NKAIN2: variants seen among roughly 807,000 people sequenced by gnomAD.
NKAIN2 encodes sodium/potassium transporting ATPase interacting 2, also known as sodium/potassium-transporting ATPase subunit beta-1-interacting protein 2.
A neutral mutation model predicts 32.6 loss-of-function variants in NKAIN2; 14 were observed. The observed-to-expected ratio is 0.43, with a 90% CI of 0.28 to 0.67. The LOEUF (loss-of-function observed/expected upper bound fraction) is 0.67, where lower values mean the gene tolerates loss of function less well. Ranked by LOEUF, NKAIN2 falls within the 30% of genes least tolerant of loss-of-function variation. NKAIN2 has a pLI of 0.17. For synonymous variants in NKAIN2, 80 were observed against 87.2 expected, an observed-to-expected ratio of 0.92 and a Z score of 0.46; for missense variants, 198 against 258.3, an observed-to-expected ratio of 0.77 and a Z score of 1.60.
intron 1 of NKAIN2, among the ~76,000 whole-genome samples, chr6:123,835,358 A>G (rs937980813): frequency 2.6e-5 from 4 of 152,224 alleles, no homozygotes; most frequent in Non-Finnish European, 5.9e-5. Context: ...TGGCTATCAA[A>G]GTATTCTGTA....
intron 1 of NKAIN2, among the ~76,000 whole-genome samples, chr6:123,882,370 T>C (rs1170460510): frequency 6.6e-6 from 1 of 152,162 alleles, no homozygotes; most frequent in Admixed American, 6.5e-5. Flanking sequence ...TTATCACTAA[T>C]GTCCTTTCAA....
intron 1 of NKAIN2, among the ~76,000 whole-genome samples, chr6:124,110,532 T>C (rs1367672838): frequency 1.3e-5 from 2 of 152,076 alleles, no homozygotes; most frequent in African/African-American, 4.8e-5. Context: ...AGGTAGTTTT[T>C]CACCCCACAT....
chr6:123,961,996 A>C (rs1777871755), intron 1 of NKAIN2, among the ~76,000 whole-genome samples: 1 of 152,212 alleles, frequency 6.6e-6, no homozygotes, highest in South Asian at 2.1e-4. Flanking sequence ...TTGCTTCATC[A>C]AATAGTTTAG....
At chr6:123,896,655 A>G (rs1169812793) in intron 1 of NKAIN2, among the ~76,000 whole-genome samples, 3 of 152,120 alleles carry the variant, frequency 2.0e-5, no homozygotes, top group Non-Finnish European at 4.4e-5. Context: ...TGTGGCTTTA[A>G]TGTGTTTTTG....
At chr6:124,413,243 A>G (rs1774297940) in intron 3 of NKAIN2, among the ~76,000 whole-genome samples, 1 of 152,086 alleles carries the variant, frequency 6.6e-6, no homozygotes, top group Admixed American at 6.5e-5. Flanking sequence ...GAAATGCAGA[A>G]ATCACCTGTC....
chr6:124,810,882 C>G (rs989421826), intron 5 of NKAIN2, among the ~76,000 whole-genome samples: 1 of 147,864 alleles, frequency 6.8e-6, no homozygotes, highest in Non-Finnish European at 1.5e-5. Context: ...GGCTAAAGTA[C>G]GTCTTCCTAT....
At chr6:123,978,684 T>G (rs983833958) in intron 1 of NKAIN2, among the ~76,000 whole-genome samples, 5 of 152,192 alleles carry the variant, frequency 3.3e-5, no homozygotes, top group African/African-American at 2.4e-5. Context: ...CACAATTGTG[T>G]GTGTGTGTGT....
chr6:124,746,727 T>C (rs2114701265), intron 4 of NKAIN2, among the ~76,000 whole-genome samples: 1 of 152,008 alleles, frequency 6.6e-6, no homozygotes, highest in East Asian at 1.9e-4. Context: ...AGTACTTCCA[T>C]GATCACACAA....
At chr6:123,903,349 A>C (rs1484280124) in intron 1 of NKAIN2, among the ~76,000 whole-genome samples, 1 of 152,176 alleles carries the variant, frequency 6.6e-6, no homozygotes, top group African/African-American at 2.4e-5. Context: ...AATTCCTACC[A>C]AAATAAGAGG....
At chr6:124,401,407 T>C (rs1773620729) in intron 3 of NKAIN2, among the ~76,000 whole-genome samples, 2 of 152,154 alleles carry the variant, frequency 1.3e-5, no homozygotes, top group South Asian at 4.1e-4. Context: ...AAAAGTAAGA[T>C]TGTTTTGGAA....
At chr6:124,659,659 A>G (rs2114432130) in intron 4 of NKAIN2, among the ~76,000 whole-genome samples, 1 of 152,264 alleles carries the variant, frequency 6.6e-6, no homozygotes, top group Admixed American at 6.5e-5. Flanking sequence ...AGGCTAGTTG[A>G]GTAGCCAGTA....
intron 1 of NKAIN2, among the ~76,000 whole-genome samples, chr6:124,047,710 G>C (rs541581490): frequency 2.6e-5 from 4 of 152,094 alleles, no homozygotes; most frequent in Admixed American, 6.6e-5. Flanking sequence ...TTAAGCAGAG[G>C]GCAGGAGCAG....
intron 1 of NKAIN2, among the ~76,000 whole-genome samples, chr6:124,130,610 T>G: frequency 1.1e-5 from 1 of 94,750 alleles, no homozygotes; most frequent in Admixed American, 1.1e-4. Context: ...ATGTTTGCCC[T>G]TATTTTTTTT....
chr6:124,370,251 C>T (rs1799697604), intron 3 of NKAIN2, among the ~76,000 whole-genome samples: 1 of 151,340 alleles, frequency 6.6e-6, no homozygotes, highest in Non-Finnish European at 1.5e-5. Context: ...TTGAGATTTG[C>T]ATGAAGAAAT....
chr6:124,642,477 T>G (rs1217755753), intron 3 of NKAIN2, among the ~76,000 whole-genome samples: 1 of 152,168 alleles, frequency 6.6e-6, no homozygotes, highest in Non-Finnish European at 1.5e-5. Flanking sequence ...TAAAGAATTT[T>G]TCAGGGTTTT....
At chr6:124,379,164 G>A (rs1309116864) in intron 3 of NKAIN2, among the ~76,000 whole-genome samples, 2 of 17,874 alleles carry the variant, frequency 1.1e-4, no homozygotes, top group African/African-American at 4.1e-4. Context: ...GGAGGGGAGG[G>A]GAGGGAGGGA....
chr6:124,251,332 A>T (rs948015615), intron 1 of NKAIN2, among the ~76,000 whole-genome samples: 1 of 152,166 alleles, frequency 6.6e-6, no homozygotes, highest in East Asian at 1.9e-4. Context: ...TATCCAAAAG[A>T]AAGGTAACAT....
chr6:124,382,409 A>C (rs1324833928), intron 3 of NKAIN2, among the ~76,000 whole-genome samples: 1 of 152,000 alleles, frequency 6.6e-6, no homozygotes. Context: ...GCGAGCTAAA[A>C]CTCTGATGGG....
At chr6:124,630,934 T>A (rs1363232144) in intron 3 of NKAIN2, among the ~76,000 whole-genome samples, 1 of 152,212 alleles carries the variant, frequency 6.6e-6, no homozygotes, top group Non-Finnish European at 1.5e-5. Context: ...CTTTTGTGAC[T>A]GAATTTTTAT....
Sources: allele counts gnomAD v4.1 joint callset (sites outside exome capture counted in the v4.1 genomes callset), GRCh38; gene constraint gnomAD v4.1.1; transcripts MANE v1.5; gene names NCBI Gene and HGNC (gene_info 2026-07-23, HGNC 2026-07-21).